Variants in ATXN7L1 observed in about 807,000 individuals in gnomAD.
ATXN7L1 encodes the protein ataxin-7-like protein 1.
Under a neutral mutation model 70.8 loss-of-function variants are expected in ATXN7L1, and 15 were observed. The observed-to-expected ratio is 0.21, with a 90% CI of 0.14 to 0.33. ATXN7L1 has a LOEUF of 0.33. Among genes scored for constraint, ATXN7L1 ranks in the 10% least tolerant of loss-of-function variants. ATXN7L1 has a pLI of 1.00. For missense variants in ATXN7L1, 975 were observed against 1,097.1 expected, an observed-to-expected ratio of 0.89 and a Z score of 1.57; for synonymous variants, 440 against 445.1, an observed-to-expected ratio of 0.99 and a Z score of 0.14.
chr7:105,787,207 T>A (rs765307196), intron 3 of ATXN7L1, among the ~76,000 whole-genome samples: 5 of 152,178 alleles, frequency 3.3e-5, no homozygotes, highest in Non-Finnish European at 7.3e-5. Context: ...TCTGCCAGAA[T>A]GAACATGTCA....
intron 2 of ATXN7L1, among the ~76,000 whole-genome samples, chr7:105,797,116 A>AGCGTGCGGGT: frequency 6.6e-6 from 1 of 152,330 alleles, no homozygotes; most frequent in African/African-American, 2.4e-5. Context: ...AAGGGGAGTG[A>AGCGTGCGGGT]GCGTGCGGGT....
At chr7:105,702,029 A>G (rs1792525756) in intron 3 of ATXN7L1, among the ~76,000 whole-genome samples, 1 of 152,236 alleles carries the variant, frequency 6.6e-6, no homozygotes, top group African/African-American at 2.4e-5. Context: ...CTTGGAGAAG[A>G]CAAGTTGAAA....
intron 5 of ATXN7L1, among the ~76,000 whole-genome samples, chr7:105,640,100 T>G (rs1044668659): frequency 6.6e-6 from 1 of 152,098 alleles, no homozygotes; most frequent in Non-Finnish European, 1.5e-5. Context: ...CAGAGTGACC[T>G]GCCTCTCTCA....
chr7:105,796,921 T>A (rs934743669), intron 2 of ATXN7L1, among the ~76,000 whole-genome samples: 1 of 152,162 alleles, frequency 6.6e-6, no homozygotes, highest in Non-Finnish European at 1.5e-5. Context: ...CATCTCCTAC[T>A]TCCCCAGCAG....
At chr7:105,830,363 G>A (rs370687980) in intron 2 of ATXN7L1, among the ~76,000 whole-genome samples, 30 of 152,352 alleles carry the variant, frequency 2.0e-4, no homozygotes, top group African/African-American at 6.7e-4. Flanking sequence ...CAAAGACAAC[G>A]GTTTTGAAAA....
At chr7:105,732,011 T>C (rs1220876545) in intron 3 of ATXN7L1, among the ~76,000 whole-genome samples, 1 of 152,032 alleles carries the variant, frequency 6.6e-6, no homozygotes, top group African/African-American at 2.4e-5. Context: ...GAGAATCGCT[T>C]GAACCCGGGA....
intron 3 of ATXN7L1, among the ~76,000 whole-genome samples, chr7:105,692,264 T>C (rs900765006): frequency 1.3e-5 from 2 of 152,106 alleles, no homozygotes; most frequent in Non-Finnish European, 2.9e-5. Context: ...ATTTTGCAAA[T>C]GTGGAGGCTT....
intron 9 of ATXN7L1, chr7:105,617,982 C>G (rs765912027): frequency 2.2e-6 from 1 of 456,748 alleles, no homozygotes; most frequent in East Asian, 6.9e-5. Flanking sequence ...CGGGGTGCTA[C>G]GCTCTCCAGA....
At chr7:105,673,138 C>T (rs1025749122) in intron 3 of ATXN7L1, among the ~76,000 whole-genome samples, 11 of 152,240 alleles carry the variant, frequency 7.2e-5, no homozygotes, top group Admixed American at 3.9e-4. Context: ...TTGCTCCCCT[C>T]ACTCTCTGAA....
intron 3 of ATXN7L1, among the ~76,000 whole-genome samples, chr7:105,762,144 T>G (rs1219861825): frequency 6.6e-6 from 1 of 152,250 alleles, no homozygotes; most frequent in African/African-American, 2.4e-5. Flanking sequence ...CTGGCAGGAC[T>G]GAGCTATCAT....
chr7:105,856,944 A>T (rs551978871), intron 2 of ATXN7L1, among the ~76,000 whole-genome samples: 1 of 152,334 alleles, frequency 6.6e-6, no homozygotes, highest in African/African-American at 2.4e-5. Flanking sequence ...CTACTTCAAA[A>T]AAAGACGGCA....
chr7:105,709,312 C>A (rs1793583991), intron 3 of ATXN7L1, among the ~76,000 whole-genome samples: 1 of 152,088 alleles, frequency 6.6e-6, no homozygotes, highest in African/African-American at 2.4e-5. Flanking sequence ...CCAGCATGGG[C>A]AACAAGAGTG....
chr7:105,830,427 G>A (rs564833631), intron 2 of ATXN7L1, among the ~76,000 whole-genome samples: 16 of 152,152 alleles, frequency 1.1e-4, no homozygotes, highest in Non-Finnish European at 2.2e-4. Context: ...CTCCCACCCA[G>A]CCCTGCCCCA....
At chr7:105,730,422 G>T (rs1796398438) in intron 3 of ATXN7L1, among the ~76,000 whole-genome samples, 1 of 152,118 alleles carries the variant, frequency 6.6e-6, no homozygotes, top group South Asian at 2.1e-4. Flanking sequence ...GAAAGCCTGA[G>T]AGACTGGCAC....
At chr7:105,799,134 G>A (rs1806423730) in intron 2 of ATXN7L1, among the ~76,000 whole-genome samples, 1 of 152,224 alleles carries the variant, frequency 6.6e-6, no homozygotes, top group African/African-American at 2.4e-5. Context: ...TACACTGGAA[G>A]AGAGTCCATA....
chr7:105,761,202 G>A (rs1057055927), intron 3 of ATXN7L1: 28 of 1,428,120 alleles, frequency 2.0e-5, no homozygotes, highest in Middle Eastern at 2.6e-4. Flanking sequence ...CTCTGCTCAA[G>A]CCCATTTCCT....
At chr7:105,810,699 C>T (rs189140571) in intron 2 of ATXN7L1, among the ~76,000 whole-genome samples, 6 of 152,284 alleles carry the variant, frequency 3.9e-5, no homozygotes, top group South Asian at 2.1e-4. Flanking sequence ...GGAGCCAACG[C>T]GAGCCAGCGT....
chr7:105,860,016 CGGGT>C (rs1199315598), intron 2 of ATXN7L1, among the ~76,000 whole-genome samples: 13 of 149,370 alleles, frequency 8.7e-5, no homozygotes, highest in African/African-American at 2.9e-4. Flanking sequence ...CTCCTGACTC[CGGGT>C]AATCCACCCG....
At chr7:105,828,320 C>A (rs926057667) in intron 2 of ATXN7L1, among the ~76,000 whole-genome samples, 18 of 152,246 alleles carry the variant, frequency 1.2e-4, no homozygotes, top group African/African-American at 3.9e-4. Flanking sequence ...TGGAAGACAG[C>A]CAGGTGACAT....
Sources: allele counts gnomAD v4.1 joint callset (sites outside exome capture counted in the v4.1 genomes callset), GRCh38; gene constraint gnomAD v4.1.1; transcripts MANE v1.5; gene names NCBI Gene and HGNC (gene_info 2026-07-23, HGNC 2026-07-21).